The following SCFD2 variants were observed in gnomAD, a reference collection of about 807,000 sequenced individuals.
SCFD2 encodes the protein sec1 family domain-containing protein 2.
In SCFD2, 54 loss-of-function variants were observed where a neutral mutation model predicts 58.9. The observed-to-expected ratio is 0.92, with a 90% CI of 0.74 to 1.15. SCFD2 has a LOEUF of 1.15. SCFD2 is among the 50% of genes most tolerant of loss of function. The pLI, the probability that SCFD2 is intolerant of heterozygous loss-of-function variation, is 0.00. For missense variants in SCFD2, 805 were observed against 836.6 expected, an observed-to-expected ratio of 0.96 and a Z score of 0.47; for synonymous variants, 321 against 335.9, an observed-to-expected ratio of 0.96 and a Z score of 0.49.
chr4:53,302,148 G>A (rs1732330951), intron 3 of SCFD2, among the ~76,000 whole-genome samples: 1 of 152,184 alleles, frequency 6.6e-6, no homozygotes, highest in Non-Finnish European at 1.5e-5. Context: ...ATTAGGAAAA[G>A]AGGAAGTCAA....
At chr4:53,333,333 T>A (rs967003175) in intron 2 of SCFD2, among the ~76,000 whole-genome samples, 1 of 142,858 alleles carries the variant, frequency 7.0e-6, no homozygotes, top group Non-Finnish European at 1.5e-5. Context: ...GGCATCACGC[T>A]ACCTGACTTC....
chr4:53,256,370 G>A (rs1002697659), intron 4 of SCFD2, among the ~76,000 whole-genome samples: 6 of 151,346 alleles, frequency 4.0e-5, no homozygotes, highest in African/African-American at 9.7e-5. Context: ...ATGGGATGGC[G>A]GCCGGGCAGA....
chr4:53,087,657 CTTTTTTTTTTTT>C (rs34727687), intron 5 of SCFD2, among the ~76,000 whole-genome samples: 34 of 115,218 alleles, frequency 3.0e-4, no homozygotes, highest in Non-Finnish European at 5.4e-4. Context: ...TTTCTTTTTC[CTTTTTTTTTTTT>C]TTTTTTTTGA....
At chr4:53,301,523 C>T (rs1168110782) in intron 3 of SCFD2, among the ~76,000 whole-genome samples, 1 of 152,018 alleles carries the variant, frequency 6.6e-6, no homozygotes, top group Non-Finnish European at 1.5e-5. Context: ...ACCAGAGGTA[C>T]AAGGAGGAAC....
chr4:53,250,210 T>C (rs1322420185), intron 4 of SCFD2, among the ~76,000 whole-genome samples: 2 of 152,156 alleles, frequency 1.3e-5, no homozygotes, highest in East Asian at 1.9e-4. Flanking sequence ...AAGAAGGCCG[T>C]TACATAATGC....
At chr4:53,084,298 C>T (rs1314976523) in intron 5 of SCFD2, among the ~76,000 whole-genome samples, 1 of 152,114 alleles carries the variant, frequency 6.6e-6, no homozygotes, top group Non-Finnish European at 1.5e-5. Context: ...TTCCTACTCG[C>T]ATGTCTGTTT....
At chr4:52,923,477 C>CAAAT (rs57571099) in intron 5 of SCFD2, among the ~76,000 whole-genome samples, 71,362 of 134,096 alleles carry the variant, frequency 0.53, 19,499 homozygotes, top group Admixed American at 0.61. Flanking sequence ...GACTGCATCT[C>CAAAT]AAATAAATAA....
intron 5 of SCFD2, among the ~76,000 whole-genome samples, chr4:52,973,390 A>G (rs1577871388): frequency 6.6e-6 from 1 of 152,056 alleles, no homozygotes; most frequent in African/African-American, 2.4e-5. Context: ...ACTATAAACA[A>G]CTCTATGCAA....
rs531008017 is a variant in SCFD2 at position 53,304,266 on chromosome 4, C to T, written c.1135+9370G>A. Among the ~76,000 whole-genome samples the T allele has an allele frequency of 1.3e-4, 20 of 152,146 alleles. No homozygotes were observed. The South Asian group carries it at 3.7e-3, about 28-fold the overall frequency. ...TCTCTGCCTGCCCTTAACATTTTTT[C>T]CTTCATTTCAACCTTGGTGAATCTG... On this transcript the variant is annotated intron_variant, in intron 3 of 8. Transcript: ENST00000401642.
intron 5 of SCFD2, among the ~76,000 whole-genome samples, chr4:53,060,648 T>C (rs917372537): frequency 3.3e-5 from 5 of 152,166 alleles, no homozygotes; most frequent in South Asian, 2.1e-4. Flanking sequence ...ACCTATCTTC[T>C]ATTTAATGAG....
At chr4:53,230,231 A>G (rs1366317323) in intron 4 of SCFD2, among the ~76,000 whole-genome samples, 2 of 152,198 alleles carry the variant, frequency 1.3e-5, no homozygotes, top group East Asian at 1.9e-4. Flanking sequence ...TCAGGGATCT[A>G]GAACTAGAAA....
intron 4 of SCFD2, among the ~76,000 whole-genome samples, chr4:53,256,840 C>T (rs926939416): frequency 7.0e-6 from 1 of 142,966 alleles, no homozygotes. Flanking sequence ...GGCTAGGCAT[C>T]AGAGGGAGAC....
At chr4:53,013,161 C>G (rs1004194551) in intron 5 of SCFD2, among the ~76,000 whole-genome samples, 1 of 152,198 alleles carries the variant, frequency 6.6e-6, no homozygotes, top group African/African-American at 2.4e-5. Context: ...TTAGAATAGG[C>G]CATTCTTCCT....
chr4:52,907,708 A>ATGTGTGTGTGTGTGTG (rs10557430), intron 6 of SCFD2, 117 bp from the exon 7 acceptor site: 5 of 684,986 alleles, frequency 7.3e-6, no homozygotes, highest in Admixed American at 6.3e-5. Context: ...CAATGCCTAT[A>ATGTGTGTGTGTGTGTG]TGTGTGTGTG....
intron 1 of SCFD2, among the ~76,000 whole-genome samples, chr4:53,363,963 T>TA (rs1448805966): frequency 1.3e-5 from 2 of 152,200 alleles, no homozygotes; most frequent in East Asian, 3.8e-4. Flanking sequence ...CCCAGTTGAT[T>TA]ATGAAACAAC....
chr4:53,122,362 G>A (rs977744161), intron 5 of SCFD2, among the ~76,000 whole-genome samples: 1 of 151,624 alleles, frequency 6.6e-6, no homozygotes, highest in Admixed American at 6.6e-5. Flanking sequence ...GGGTGACAGA[G>A]CGAGACTCCG....
intron 3 of SCFD2, among the ~76,000 whole-genome samples, chr4:53,295,701 A>G (rs1409913677): frequency 2.6e-5 from 4 of 152,052 alleles, no homozygotes. Flanking sequence ...GAGAGGGCAT[A>G]CTTGTCTTGT....
chr4:53,115,449 G>A (rs1461590101), intron 5 of SCFD2, among the ~76,000 whole-genome samples: 1 of 152,074 alleles, frequency 6.6e-6, no homozygotes, highest in Non-Finnish European at 1.5e-5. Context: ...TACAAAATTT[G>A]CTTTCATCTT....
intron 2 of SCFD2, among the ~76,000 whole-genome samples, chr4:53,330,633 G>A (rs1247730775): frequency 2.0e-5 from 3 of 152,028 alleles, no homozygotes; most frequent in Non-Finnish European, 1.5e-5. Context: ...ACCAGCCGCT[G>A]CAAAATCATG....
Sources: allele counts gnomAD v4.1 joint callset (sites outside exome capture counted in the v4.1 genomes callset), GRCh38; gene constraint gnomAD v4.1.1; transcripts MANE v1.5; gene names NCBI Gene and HGNC (gene_info 2026-07-23, HGNC 2026-07-21).